The following PADI4 variants were observed in gnomAD, a reference collection of about 807,000 sequenced individuals.
The protein encoded by PADI4 is peptidyl arginine deiminase 4.
PADI4 carries 62 observed loss-of-function variants against 75.0 expected under a neutral mutation model. The observed-to-expected ratio is 0.83, with a 90% CI of 0.67 to 1.02. PADI4 has a LOEUF of 1.02. PADI4 is among the 50% of genes least tolerant of loss of function. The pLI, the probability that PADI4 is intolerant of heterozygous loss-of-function variation, is 0.00. For synonymous variants in PADI4, 361 were observed against 348.1 expected (o/e 1.04, Z -0.41); for missense variants, 845 against 850.5 (o/e 0.99, Z 0.08).
chr1:17,358,763 C>T (rs2074802655), intron 13 of PADI4, 75 bp from the exon 14 acceptor site: 2 of 910,866 alleles, frequency 2.2e-6, no homozygotes, highest in African/African-American at 3.3e-5. Flanking sequence ...ACTGAGTCCC[C>T]CCCCGGCACT....
chr1:17,346,223 T>A lies in PADI4; in HGVS notation c.1047+84T>A. ...GGACCCGGGCTCCTGGGGTTCAGCC[T>A]GGTGCCTCACCGGCCACTCTTCCTT... On this transcript the variant is annotated intron_variant, in intron 9 of 15. Transcript: ENST00000375448. This position sits in a 1 kb window ranked among gnomAD's most constrained non-coding sequence, Gnocchi z 4.3. 1 of 810,154 alleles carries A rather than the reference T, an allele frequency of 1.2e-6. No homozygotes were observed. The highest frequency in any genetic ancestry group is 2.1e-6 in the Non-Finnish European group (1 of 482,670). The allele number at this position is 810,154 out of a possible 1,614,324, so 50.2% of individuals were successfully genotyped here.
At chr1:17,321,634 A>T (rs1334829021) in intron 1 of PADI4, among the ~76,000 whole-genome samples, 1 of 152,242 alleles carries the variant, frequency 6.6e-6, no homozygotes, top group Admixed American at 6.5e-5. Flanking sequence ...AGGAGATGGA[A>T]TGAAATCTCC....
Position 17,355,976 on chromosome 1 carries a change from A to G in PADI4, c.1311-7A>G. On this transcript the variant is annotated splice_polypyrimidine_tract_variant and splice_region_variant and intron_variant, in intron 11 of 15. Transcript: ENST00000375448. ...CCGATAACACCCCTTTAACCCTGCCATGACAGCAATGACAGCCGGCAGATG... is the reference window on the plus strand; with the variant it reads ...CCGATAACACCCCTTTAACCCTGCCGTGACAGCAATGACAGCCGGCAGATG... 2 of 1,614,164 alleles carry G rather than the reference A, an allele frequency of 1.2e-6. No homozygotes were observed. The highest frequency in any genetic ancestry group is 8.5e-7 in the Non-Finnish European group (1 of 1,180,016).
chr1:17,362,351 CAAAAAAAAAA>C (rs34897407), intron 15 of PADI4, among the ~76,000 whole-genome samples: 1 of 107,372 alleles, frequency 9.3e-6, no homozygotes, highest in African/African-American at 3.6e-5. Context: ...GACCCTGTCT[CAAAAAAAAAA>C]AAAAAAAAAA....
chr1:17,345,684 G>A lies in PADI4; in HGVS notation c.936-344G>A, dbSNP rs547840045. Among the ~76,000 whole-genome samples, 49 of 152,150 alleles carry A rather than the reference G, an allele frequency of 3.2e-4. 1 individual carries two copies. Among genetic ancestry groups the A allele is most frequent in the African/African-American group, 1.1e-3 (45 of 41,498 alleles). ...TTCTTCCTCATTTTCTCTTGCCACCGCCATGTAAGAAGTGCCTTTTGCCTC... is the reference window on the plus strand; with the variant it reads ...TTCTTCCTCATTTTCTCTTGCCACCACCATGTAAGAAGTGCCTTTTGCCTC... On this transcript the variant is annotated intron_variant, in intron 8 of 15. Coordinates refer to ENST00000375448, the MANE Select transcript of PADI4 (RefSeq NM_012387.3).
At chr1:17,333,207 C>T (rs186327893) in intron 2 of PADI4, among the ~76,000 whole-genome samples, 5 of 152,306 alleles carry the variant, frequency 3.3e-5, no homozygotes, top group African/African-American at 9.6e-5. Context: ...AGAAGGCTGA[C>T]ACCATGGTCC....
At chr1:17,358,787 G>A (rs1222140697) in intron 13 of PADI4, 51 bp from the exon 14 acceptor site, 6 of 1,263,614 alleles carry the variant, frequency 4.7e-6, no homozygotes, top group Non-Finnish European at 6.8e-6. Context: ...TGGGAAGAGG[G>A]AAATCGACCT....
chr1:17,340,252 C>A (rs34965564), intron 6 of PADI4, among the ~76,000 whole-genome samples: 2 of 152,106 alleles, frequency 1.3e-5, no homozygotes, highest in Non-Finnish European at 2.9e-5. Context: ...TGACTGTGAC[C>A]GAGTCCCTGC....
intron 1 of PADI4, among the ~76,000 whole-genome samples, chr1:17,316,711 T>TAAATAAATAAATAAATA (rs66586960): frequency 2.2e-5 from 3 of 137,736 alleles, no homozygotes; most frequent in African/African-American, 5.4e-5. Flanking sequence ...ATAAATAAAT[T>TAAATAAATAAATAAATA]AATTAATTAA....
At chr1:17,327,970 T>C (rs1370523487) in intron 1 of PADI4, among the ~76,000 whole-genome samples, 1 of 152,204 alleles carries the variant, frequency 6.6e-6, no homozygotes, top group African/African-American at 2.4e-5. Context: ...TTTCCATGTG[T>C]AGAAATTTAT....
At chr1:17,333,205 G>A (rs2074246344) in intron 2 of PADI4, among the ~76,000 whole-genome samples, 1 of 152,158 alleles carries the variant, frequency 6.6e-6, no homozygotes, top group Non-Finnish European at 1.5e-5. Flanking sequence ...ACAGAAGGCT[G>A]ACACCATGGT....
chr1:17,325,334 A>G (rs922450212), intron 1 of PADI4, among the ~76,000 whole-genome samples: 3 of 152,160 alleles, frequency 2.0e-5, no homozygotes, highest in Non-Finnish European at 2.9e-5. Context: ...GGTACTTTAC[A>G]GTATTTTTTC....
rs2074379922 is a variant in PADI4, at chr1:17,339,697, A to T, written c.536A>T (p.Asp179Val). The T allele has an allele frequency of 3.1e-6, 5 of 1,613,948 alleles. No individual in the cohort carries two copies. Among genetic ancestry groups the T allele is most frequent in the Non-Finnish European group, 4.2e-6 (5 of 1,179,956 alleles). The change falls in exon 6 of 16, where the codon GAC becomes GTC. Residue 179 changes from aspartate (D) to valine (V), a missense_variant. Physicochemically the swap from Asp to Val is radical, Grantham distance 152. Coordinates refer to ENST00000375448, the MANE Select transcript of PADI4 (RefSeq NM_012387.3). ...GCCCTTCTCATCCCAGACCTGCAGG[A>T]CATGTCGCTGATGACCCTGAGCACG... ...DEVLDSEDLQ[D>V]MSLMTLSTKT... is the part of the protein sequence containing the mutation.
At chr1:17,343,566 T>TCTC (rs1184535263) in intron 8 of PADI4, among the ~76,000 whole-genome samples, 1 of 152,202 alleles carries the variant, frequency 6.6e-6, no homozygotes, top group Admixed American at 6.5e-5. Context: ...TGGCTCTGTG[T>TCTC]CTCCACCCAA....
At chr1:17,337,445 C>T (rs554331423) in intron 4 of PADI4, among the ~76,000 whole-genome samples, 1 of 152,212 alleles carries the variant, frequency 6.6e-6, no homozygotes, top group Non-Finnish European at 1.5e-5. Flanking sequence ...TGCGCCCAGC[C>T]AACATTTCTT....
At chr1:17,333,647 G>A (rs2074256151) in intron 2 of PADI4, among the ~76,000 whole-genome samples, 1 of 151,338 alleles carries the variant, frequency 6.6e-6, no homozygotes, top group Non-Finnish European at 1.5e-5. Context: ...CCAGCTGCTG[G>A]GCCCCTACTC....
rs751611108 is a variant in PADI4 at position 17,359,398 on chromosome 1, T to A, written c.1748T>A (p.Phe583Tyr). ...LKEFSKAEAF[F>Y]PNMVNMLVLG... Reference sequence around the variant, plus strand: ...GAGTTCTCTAAGGCGGAAGCTTTTTTCCCCAACATGGTGAGGAGGTGGCGG... The same window carrying A: ...GAGTTCTCTAAGGCGGAAGCTTTTTACCCCAACATGGTGAGGAGGTGGCGG... The change falls in exon 15 of 16, where the codon TTC becomes TAC. Residue 583 changes from phenylalanine to tyrosine, a missense_variant. By Grantham distance (22) the Phe-to-Tyr change is conservative. Coordinates refer to ENST00000375448, the MANE Select transcript of PADI4 (RefSeq NM_012387.3). The A allele has an allele frequency of 3.7e-6, 6 of 1,613,986 alleles. No homozygotes were observed. In the African/African-American group the frequency reaches 8.0e-5, roughly 22 times the overall value.
intron 1 of PADI4, among the ~76,000 whole-genome samples, chr1:17,325,632 T>C (rs71644034): frequency 1.3e-5 from 2 of 152,106 alleles, no homozygotes; most frequent in Admixed American, 1.3e-4. Context: ...TTACTTTATG[T>C]CTTTTTTTCT....
chr1:17,336,562 A>G (rs2074315021), intron 4 of PADI4, among the ~76,000 whole-genome samples: 1 of 152,160 alleles, frequency 6.6e-6, no homozygotes, highest in Non-Finnish European at 1.5e-5. Flanking sequence ...CTGATATGGG[A>G]GAGATTTCTG....
Sources: gnomAD v4.1 joint callset for allele counts (sites outside exome capture counted in the v4.1 genomes callset) on GRCh38, gnomAD v4.1.1 for gene constraint, Gnocchi (gnomAD v3.1) non-coding constraint, MANE v1.5 for transcripts, NCBI Gene and HGNC (gene_info 2026-07-23, HGNC 2026-07-21) for gene names.